CAST: variants seen among roughly 807,000 people sequenced by gnomAD.
The protein encoded by CAST is MIR583 host.
CAST carries 76 observed loss-of-function variants against 119.6 expected under a neutral mutation model. The ratio of observed to expected loss-of-function variants is 0.64; its 90% CI spans 0.53 to 0.77. The LOEUF is 0.77. Ranked by LOEUF, CAST falls within the 30% of genes least tolerant of loss-of-function variation. The pLI, the probability that CAST is intolerant of heterozygous loss-of-function variation, is 0.00. For missense variants in CAST, 953 were observed against 946.5 expected (o/e 1.01, Z -0.09); for synonymous variants, 319 against 331.6 (o/e 0.96, Z 0.41).
chr5:96,581,973 A>C (rs261239), intron 1 of CAST, among the ~76,000 whole-genome samples: 6 of 152,116 alleles, frequency 3.9e-5, no homozygotes, highest in African/African-American at 1.4e-4. Context: ...ACATGCAATA[A>C]AAGAGAACTT....
the CAST span, among the ~76,000 whole-genome samples, chr5:96,322,274 A>T: frequency 3.9e-5 from 6 of 152,124 alleles, no homozygotes; most frequent in Non-Finnish European, 8.8e-5. Flanking sequence ...GTTGGCCCTG[A>T]GGGTGCTACA....
chr5:96,408,556 G>A, the CAST span, among the ~76,000 whole-genome samples: 4 of 152,150 alleles, frequency 2.6e-5, no homozygotes, highest in African/African-American at 4.8e-5. Flanking sequence ...CCTTTTCTGG[G>A]GATGAAGTAC....
At chr5:96,553,660 G>A (rs372550002) in intron 1 of CAST, among the ~76,000 whole-genome samples, 39 of 152,234 alleles carry the variant, frequency 2.6e-4, no homozygotes, top group African/African-American at 7.5e-4. Context: ...AAACCCCATC[G>A]TCTCAGCCCA....
At chr5:96,425,798 T>C in the CAST span, 6,780 of 1,292,540 alleles carry the variant, frequency 5.2e-3, 275 homozygotes, top group African/African-American at 0.087. Flanking sequence ...CCCACCCACA[T>C]AGTCCTTCTG....
At chr5:96,480,695 A>ATCTG in the CAST span, among the ~76,000 whole-genome samples, 1 of 152,194 alleles carries the variant, frequency 6.6e-6, no homozygotes. Flanking sequence ...GTGGTTTAAA[A>ATCTG]GGTTGGAGGA....
At chr5:96,481,187 CCA>C in the CAST span, among the ~76,000 whole-genome samples, 1 of 151,732 alleles carries the variant, frequency 6.6e-6, no homozygotes, top group Non-Finnish European at 1.5e-5. Context: ...TGTCCTGTGT[CCA>C]CACAGTCTTG....
upstream of CAST, chr5:96,525,391 C>T (rs1479792214): frequency 6.6e-6 from 1 of 152,128 alleles, no homozygotes; most frequent in Non-Finnish European, 1.5e-5. Context: ...AAGGGAAACC[C>T]AAGGTGTTAC....
chr5:96,120,408 C>T, the CAST span, among the ~76,000 whole-genome samples: 2 of 152,032 alleles, frequency 1.3e-5, no homozygotes, highest in Non-Finnish European at 2.9e-5. Flanking sequence ...TAATCCCTGG[C>T]CTTGCTCCTA....
chr5:96,062,604 C>T, the CAST span, among the ~76,000 whole-genome samples: 1 of 152,072 alleles, frequency 6.6e-6, no homozygotes, highest in African/African-American at 2.4e-5. Context: ...GCTGCCACCC[C>T]ATCACTTCAG....
intron 30 of CAST, 28 bp from the exon 31 acceptor site, chr5:96,771,616 T>C (rs1194947098): frequency 3.1e-6 from 5 of 1,598,940 alleles, no homozygotes; most frequent in African/African-American, 1.3e-5. Context: ...AAAAGAAAGC[T>C]CACGGATGGT....
the CAST span, among the ~76,000 whole-genome samples, chr5:96,375,801 T>G: frequency 6.6e-6 from 1 of 151,606 alleles, no homozygotes; most frequent in Non-Finnish European, 1.5e-5. Context: ...ATGGAAATGC[T>G]GCCTATGTTT....
the CAST span, among the ~76,000 whole-genome samples, chr5:96,227,662 G>A: frequency 6.6e-6 from 1 of 152,148 alleles, no homozygotes; most frequent in Non-Finnish European, 1.5e-5. Context: ...CTCTTTAAAA[G>A]TGTAAAATAA....
At chr5:96,268,711 T>C in the CAST span, among the ~76,000 whole-genome samples, 18 of 152,126 alleles carry the variant, frequency 1.2e-4, no homozygotes, top group Admixed American at 6.5e-4. Flanking sequence ...AGACCACATA[T>C]AGACTTAAAG....
At chr5:96,310,735 G>C in the CAST span, among the ~76,000 whole-genome samples, 3 of 150,390 alleles carry the variant, frequency 2.0e-5, no homozygotes, top group South Asian at 6.3e-4. Flanking sequence ...TTGTTCTTTT[G>C]ATCCTTTGTA....
At chr5:96,077,286 A>G in the CAST span, among the ~76,000 whole-genome samples, 8 of 152,188 alleles carry the variant, frequency 5.3e-5, no homozygotes, top group Non-Finnish European at 1.0e-4. Flanking sequence ...GATTACGAAC[A>G]TCTTTAGGGT....
rs550980498 is a variant in CAST, at chr5:96,587,629, A to G, written c.60+57749A>G. ...TGGGTAACCAATAAGAATACTGAAC[A>G]TACTTAATCATGAAAAATGGTGAAG... On this transcript the variant is annotated intron_variant, in intron 1 of 11. Coordinates refer to the CAST transcript ENST00000505143. Among the ~76,000 whole-genome samples, 17 of 152,352 alleles carry G rather than the reference A, an allele frequency of 1.1e-4. No homozygotes were observed. In the South Asian group the frequency reaches 3.3e-3, roughly 30 times the overall value.
the CAST span, among the ~76,000 whole-genome samples, chr5:96,130,689 G>A: frequency 5.9e-5 from 9 of 151,854 alleles, no homozygotes; most frequent in African/African-American, 1.7e-4. Flanking sequence ...ATTACAAATC[G>A]AAAAGAGAAA....
chr5:96,566,289 T>C (rs1746468254), intron 1 of CAST, among the ~76,000 whole-genome samples: 2 of 152,224 alleles, frequency 1.3e-5, no homozygotes, highest in Admixed American at 1.3e-4. Context: ...GTCTGAATCA[T>C]ATATTAGACT....
At chr5:96,030,459 TA>T in the CAST span, among the ~76,000 whole-genome samples, 1 of 152,218 alleles carries the variant, frequency 6.6e-6, no homozygotes, top group African/African-American at 2.4e-5. Flanking sequence ...TGTCGGGCAG[TA>T]GCCTGGAGGC....
Sources: gnomAD v4.1 joint callset for allele counts (sites outside exome capture counted in the v4.1 genomes callset) on GRCh38, gnomAD v4.1.1 for gene constraint, MANE v1.5 for transcripts, NCBI Gene and HGNC (gene_info 2026-07-23, HGNC 2026-07-21) for gene names.